The following DPP10 variants were observed in gnomAD, a reference collection of about 807,000 sequenced individuals.
DPP10 encodes the protein dipeptidyl peptidase like 10.
A neutral mutation model predicts 120.9 loss-of-function variants in DPP10; 33 were observed. That is an observed-to-expected ratio of 0.27 (90% CI 0.21 to 0.37). DPP10 has a LOEUF of 0.37. DPP10 is among the 10% of genes least tolerant of loss of function. DPP10 has a pLI of 1.00. For synonymous variants in DPP10, 337 were observed against 326.1 expected, an observed-to-expected ratio of 1.03 and a Z score of -0.36; for missense variants, 816 against 942.8, an observed-to-expected ratio of 0.87 and a Z score of 1.76.
chr2:115,262,394 T>C (rs1469888515), intron 1 of DPP10, among the ~76,000 whole-genome samples: 6 of 152,006 alleles, frequency 3.9e-5, no homozygotes, highest in Admixed American at 3.9e-4. Context: ...AAATATGTTC[T>C]CATTTTCATA....
intron 21 of DPP10, among the ~76,000 whole-genome samples, chr2:115,829,884 T>C (rs1164125267): frequency 6.6e-6 from 1 of 152,174 alleles, no homozygotes; most frequent in African/African-American, 2.4e-5. Flanking sequence ...TTATTACTTA[T>C]TAATTATGGA....
intron 3 of DPP10, among the ~76,000 whole-genome samples, chr2:115,412,881 C>T (rs1025409988): frequency 3.3e-5 from 5 of 152,082 alleles, no homozygotes; most frequent in Non-Finnish European, 7.4e-5. Flanking sequence ...TTATTAGGGG[C>T]ATTCAGTAGA....
rs192242248 is a variant in DPP10, at chr2:114,450,802, C to A, written c.60+7964C>A. Among the ~76,000 whole-genome samples, 1,042 of 151,980 alleles carry A rather than the reference C, an allele frequency of 6.9e-3. 8 individuals are homozygous for A. The highest frequency in any genetic ancestry group is 0.01 in the Non-Finnish European group (712 of 67,968). On this transcript the variant is annotated intron_variant, in intron 1 of 25. Transcript: ENST00000410059. The stretch of plus-strand genomic sequence containing the variant: ...AAGTCCTGTGACCAAACAGAGACAA[C>A]CCCTGTTGTTCTTCTTTGGAGCTTG...
At chr2:114,546,278 G>C (rs886946663) in intron 1 of DPP10, among the ~76,000 whole-genome samples, 1 of 152,148 alleles carries the variant, frequency 6.6e-6, no homozygotes, top group Non-Finnish European at 1.5e-5. Flanking sequence ...GAAGGTGAAG[G>C]GGGAGCAGGT....
chr2:114,957,980 G>T (rs1451090405), intron 1 of DPP10, among the ~76,000 whole-genome samples: 7 of 152,080 alleles, frequency 4.6e-5, no homozygotes, highest in Non-Finnish European at 1.0e-4. Context: ...TAGATCAAAG[G>T]GTATGTTAAA....
chr2:115,152,347 G>T (rs1193177090), intron 1 of DPP10, among the ~76,000 whole-genome samples: 9 of 152,184 alleles, frequency 5.9e-5, no homozygotes, highest in Admixed American at 5.9e-4. Context: ...GCTACAATTT[G>T]CCAGTCTCTG....
At chr2:115,124,055 A>G (rs2104751098) in intron 1 of DPP10, among the ~76,000 whole-genome samples, 1 of 151,610 alleles carries the variant, frequency 6.6e-6, no homozygotes, top group African/African-American at 2.4e-5. Flanking sequence ...CAATCTTCCA[A>G]CTGCAGCCTC....
At chr2:115,057,240 C>T (rs952536425) in intron 1 of DPP10, among the ~76,000 whole-genome samples, 1 of 152,156 alleles carries the variant, frequency 6.6e-6, no homozygotes, top group African/African-American at 2.4e-5. Flanking sequence ...ACCTGCCTTA[C>T]CCACTCTGTG....
chr2:115,684,638 G>C (rs4531941), intron 5 of DPP10, among the ~76,000 whole-genome samples: 2 of 151,804 alleles, frequency 1.3e-5, no homozygotes, highest in African/African-American at 2.4e-5. Context: ...CTGCAGTGCA[G>C]AAAAAGCTTT....
chr2:115,817,234 G>A (rs1193403767), intron 21 of DPP10, among the ~76,000 whole-genome samples: 2 of 124,660 alleles, frequency 1.6e-5, no homozygotes, highest in African/African-American at 2.5e-5. Context: ...GCGACAGAGC[G>A]AGACTCCGTC....
intron 3 of DPP10, among the ~76,000 whole-genome samples, chr2:115,469,954 T>C (rs986534109): frequency 1.1e-4 from 16 of 152,012 alleles, no homozygotes; most frequent in Non-Finnish European, 2.9e-5. Flanking sequence ...ATCTGTGTAT[T>C]GTATTGCATT....
chr2:114,658,701 G>C (rs763663705), intron 1 of DPP10, among the ~76,000 whole-genome samples: 1 of 152,178 alleles, frequency 6.6e-6, no homozygotes, highest in African/African-American at 2.4e-5. Context: ...CGGTATAACA[G>C]ATAAATTGAG....
At chr2:115,166,704 GATTAA>G (rs1451470432) in intron 1 of DPP10, among the ~76,000 whole-genome samples, 2 of 151,078 alleles carry the variant, frequency 1.3e-5, no homozygotes, top group Admixed American at 1.3e-4. Context: ...ATTTTAAAAA[GATTAA>G]ATTATATAAA....
chr2:115,133,366 A>T (rs956707256), intron 1 of DPP10, among the ~76,000 whole-genome samples: 2 of 151,578 alleles, frequency 1.3e-5, no homozygotes, highest in Non-Finnish European at 2.9e-5. Context: ...CTGTTTAGGA[A>T]ATTTAAGACC....
intron 1 of DPP10, among the ~76,000 whole-genome samples, chr2:115,005,547 G>A (rs1423317390): frequency 2.0e-5 from 3 of 151,944 alleles, no homozygotes; most frequent in South Asian, 2.1e-4. Context: ...TGAAAACCAA[G>A]GCTCGAGAAC....
At chr2:114,580,913 C>T (rs1385038867) in intron 1 of DPP10, among the ~76,000 whole-genome samples, 1 of 151,988 alleles carries the variant, frequency 6.6e-6, no homozygotes, top group Non-Finnish European at 1.5e-5. Flanking sequence ...TCCCCCGAGG[C>T]CATGCTTTGC....
intron 1 of DPP10, among the ~76,000 whole-genome samples, chr2:114,889,312 T>C (rs1029192206): frequency 3.9e-5 from 6 of 152,218 alleles, no homozygotes; most frequent in Non-Finnish European, 8.8e-5. Flanking sequence ...TTTATTATCT[T>C]ATTCCAAAAT....
chr2:114,758,406 A>G (rs1383208728), intron 1 of DPP10, among the ~76,000 whole-genome samples: 1 of 152,170 alleles, frequency 6.6e-6, no homozygotes, highest in Non-Finnish European at 1.5e-5. Context: ...TTTGAGAAGC[A>G]TTCCGATCTG....
intron 1 of DPP10, among the ~76,000 whole-genome samples, chr2:114,640,925 T>G (rs953414915): frequency 6.6e-6 from 1 of 151,922 alleles, no homozygotes; most frequent in African/African-American, 2.4e-5. Flanking sequence ...TGAAGGAGTC[T>G]GCATTCAACT....
Sources: gnomAD v4.1 joint callset for allele counts (sites outside exome capture counted in the v4.1 genomes callset) on GRCh38, gnomAD v4.1.1 for gene constraint, MANE v1.5 for transcripts, NCBI Gene and HGNC (gene_info 2026-07-23, HGNC 2026-07-21) for gene names.